The following RGS6 variants were observed in gnomAD, a reference collection of about 807,000 sequenced individuals.
RGS6 encodes regulator of G-protein signaling 6.
A neutral mutation model predicts 78.5 loss-of-function variants in RGS6; 30 were observed. That is an observed-to-expected ratio of 0.38 (90% CI 0.29 to 0.52). RGS6 has a LOEUF of 0.52. RGS6 is among the 20% of genes least tolerant of loss of function. RGS6 has a pLI of 0.85. For missense variants in RGS6, 495 were observed against 609.7 expected, an observed-to-expected ratio of 0.81 and a Z score of 1.98; for synonymous variants, 206 against 206.0, an observed-to-expected ratio of 1.00 and a Z score of 0.00.
intron 9 of RGS6, 50 bp from the exon 10 acceptor site, chr14:72,474,575 A>C: frequency 6.6e-7 from 1 of 1,521,340 alleles, no homozygotes; most frequent in Non-Finnish European, 9.0e-7. Context: ...GCTAAATTGG[A>C]AGTGTAATTT....
the RGS6 span, chr14:72,629,476 C>A: frequency 6.2e-6 from 4 of 645,724 alleles, no homozygotes; most frequent in African/African-American, 1.8e-5. Flanking sequence ...GTCTCTGAGC[C>A]CTCAAGGGCT....
intron 12 of RGS6, among the ~76,000 whole-genome samples, chr14:72,490,625 C>G (rs2096566046): frequency 6.6e-6 from 1 of 152,166 alleles, no homozygotes; most frequent in African/African-American, 2.4e-5. Flanking sequence ...TGTTATATAA[C>G]ATGATGAACT....
intron 2 of RGS6, among the ~76,000 whole-genome samples, chr14:72,172,191 A>C (rs1205819469): frequency 6.6e-6 from 1 of 151,680 alleles, no homozygotes; most frequent in Non-Finnish European, 1.5e-5. Flanking sequence ...AAAATCAAGA[A>C]CTGTGACGAT....
chr14:72,342,422 C>T (rs1395065731), intron 2 of RGS6, among the ~76,000 whole-genome samples: 2 of 151,862 alleles, frequency 1.3e-5, no homozygotes, highest in Non-Finnish European at 2.9e-5. Context: ...AAAACTTAGT[C>T]GGGCATGGTG....
intron 15 of RGS6, among the ~76,000 whole-genome samples, chr14:72,532,341 T>A (rs1332990334): frequency 6.6e-6 from 1 of 152,214 alleles, no homozygotes. Context: ...TGTGTGTGTG[T>A]GTTTTCTGAC....
intron 2 of RGS6, among the ~76,000 whole-genome samples, chr14:72,012,880 CAAAT>C (rs1439038065): frequency 1.3e-5 from 2 of 152,086 alleles, no homozygotes; most frequent in African/African-American, 4.8e-5. Flanking sequence ...AAACAATAAA[CAAAT>C]AATAGTGTAA....
At chr14:72,481,027 G>A (rs2096367118) in intron 12 of RGS6, among the ~76,000 whole-genome samples, 1 of 152,112 alleles carries the variant, frequency 6.6e-6, no homozygotes, top group African/African-American at 2.4e-5. Context: ...AAACTAAAGG[G>A]GCAGAACAGA....
chr14:72,250,039 G>A (rs847244), intron 2 of RGS6, among the ~76,000 whole-genome samples: 141,611 of 144,138 alleles, frequency 0.98, 69,572 homozygotes, highest in East Asian at 0.99. Context: ...GAATTGAACA[G>A]TGAGATCACA....
At chr14:72,441,517 G>T (rs376595058) in intron 3 of RGS6, among the ~76,000 whole-genome samples, 6 of 152,382 alleles carry the variant, frequency 3.9e-5, no homozygotes, top group African/African-American at 1.2e-4. Flanking sequence ...CATGGGCAGA[G>T]GGCTGGCCTC....
At chr14:72,446,240 C>T (rs2095360159) in intron 3 of RGS6, among the ~76,000 whole-genome samples, 1 of 152,166 alleles carries the variant, frequency 6.6e-6, no homozygotes, top group South Asian at 2.1e-4. Context: ...AGCTGTCTGG[C>T]CTCCAGAACC....
At chr14:72,069,483 A>G (rs1470979435) in intron 2 of RGS6, among the ~76,000 whole-genome samples, 1 of 152,112 alleles carries the variant, frequency 6.6e-6, no homozygotes, top group Non-Finnish European at 1.5e-5. Context: ...TGTGCTGTAT[A>G]CTATTCTTGT....
At chr14:72,253,013 G>C (rs764625684) in intron 2 of RGS6, among the ~76,000 whole-genome samples, 27 of 152,236 alleles carry the variant, frequency 1.8e-4, no homozygotes, top group Non-Finnish European at 3.7e-4. Flanking sequence ...AGCGTGGTAA[G>C]CACGGTCAGT....
At chr14:72,057,125 G>A (rs1596772417) in intron 2 of RGS6, among the ~76,000 whole-genome samples, 1 of 151,616 alleles carries the variant, frequency 6.6e-6, no homozygotes, top group Non-Finnish European at 1.5e-5. Context: ...ACCAGCCTAG[G>A]CAACATGGTG....
In RGS6 at chr14:72,480,467, C is replaced by T. The variant is rs114924254; in HGVS notation, c.854+2138C>T. Among the ~76,000 whole-genome samples the T allele has an allele frequency of 4.6e-3, 695 of 152,312 alleles. 7 individuals are homozygous for T. Among genetic ancestry groups the T allele is most frequent in the African/African-American group, 0.016 (654 of 41,550 alleles). On this transcript the variant is annotated intron_variant, in intron 12 of 17. Coordinates refer to ENST00000553525, the MANE Select transcript of RGS6 (RefSeq NM_001204424.2). ...ATTGAAGGATTATTCCAACTGGCTA[C>T]TCCTCGGTGCCCAGCTAGAAGCTTT...
chr14:72,085,816 T>C (rs1489673113), intron 2 of RGS6, among the ~76,000 whole-genome samples: 2 of 131,020 alleles, frequency 1.5e-5, no homozygotes, highest in Non-Finnish European at 3.0e-5. Flanking sequence ...ATTGCCCCAC[T>C]GTACTCCAGC....
At chr14:72,056,429 C>T (rs2093624993) in intron 2 of RGS6, among the ~76,000 whole-genome samples, 1 of 152,200 alleles carries the variant, frequency 6.6e-6, no homozygotes, top group African/African-American at 2.4e-5. Context: ...TACCCAAATC[C>T]ACCTCGTACC....
At chr14:71,945,718 T>G (rs1343004136) in intron 1 of RGS6, among the ~76,000 whole-genome samples, 2 of 152,100 alleles carry the variant, frequency 1.3e-5, no homozygotes. Flanking sequence ...GATCTCAGGG[T>G]TGGGGTTGCA....
chr14:72,087,968 C>T (rs2095116470), intron 2 of RGS6, among the ~76,000 whole-genome samples: 1 of 152,104 alleles, frequency 6.6e-6, no homozygotes, highest in African/African-American at 2.4e-5. Flanking sequence ...GGCAACAGAT[C>T]TCTCCCTTCT....
At chr14:72,127,474 G>A (rs1256291801) in intron 2 of RGS6, among the ~76,000 whole-genome samples, 1 of 151,864 alleles carries the variant, frequency 6.6e-6, no homozygotes, top group African/African-American at 2.4e-5. Flanking sequence ...TCTTAAGCTG[G>A]GTTTCATTAC....
Sources: gnomAD v4.1 joint callset for allele counts (sites outside exome capture counted in the v4.1 genomes callset) on GRCh38, gnomAD v4.1.1 for gene constraint, MANE v1.5 for transcripts, NCBI Gene and HGNC (gene_info 2026-07-23, HGNC 2026-07-21) for gene names.